Variants in NXPH1 observed in about 807,000 individuals in gnomAD.
NXPH1 encodes neurexophilin-1.
A neutral mutation model predicts 23.7 loss-of-function variants in NXPH1; 5 were observed. The observed-to-expected ratio is 0.21, with a 90% CI of 0.11 to 0.44. The LOEUF (loss-of-function observed/expected upper bound fraction) is 0.44. Ranked by LOEUF, NXPH1 falls within the 20% of genes least tolerant of loss-of-function variation. The pLI is 0.99. For missense variants in NXPH1, 324 were observed against 321.6 expected, an observed-to-expected ratio of 1.01 and a Z score of -0.06; for synonymous variants, 144 against 122.2, an observed-to-expected ratio of 1.18 and a Z score of -1.18.
At chr7:8,545,006 C>T (rs183661750) in intron 2 of NXPH1, among the ~76,000 whole-genome samples, 1 of 151,542 alleles carries the variant, frequency 6.6e-6, no homozygotes, top group African/African-American at 2.4e-5. Flanking sequence ...CTCATCTTTG[C>T]TGCAGTACTG....
chr7:8,462,329 G>T (rs1278707519), intron 2 of NXPH1, among the ~76,000 whole-genome samples: 1 of 152,156 alleles, frequency 6.6e-6, no homozygotes, highest in African/African-American at 2.4e-5. Context: ...TTACAGGCGT[G>T]AACCACTGCA....
At chr7:8,436,283 G>A (rs540589447) in intron 2 of NXPH1, among the ~76,000 whole-genome samples, 1 of 152,304 alleles carries the variant, frequency 6.6e-6, no homozygotes, top group Non-Finnish European at 1.5e-5. Flanking sequence ...GACAGGATAA[G>A]TTTAACTATC....
intron 2 of NXPH1, among the ~76,000 whole-genome samples, chr7:8,707,605 C>T (rs1562460691): frequency 6.6e-6 from 1 of 151,968 alleles, no homozygotes; most frequent in Non-Finnish European, 1.5e-5. Context: ...TATATATACT[C>T]ATCATCTCAT....
intron 2 of NXPH1, among the ~76,000 whole-genome samples, chr7:8,608,457 C>G (rs1233656758): frequency 6.6e-6 from 1 of 151,960 alleles, no homozygotes; most frequent in Non-Finnish European, 1.5e-5. Context: ...TAGCCTCCCA[C>G]TCCTGATTAG....
chr7:8,492,862 G>T (rs911694877), intron 2 of NXPH1, among the ~76,000 whole-genome samples: 3 of 152,114 alleles, frequency 2.0e-5, no homozygotes, highest in Admixed American at 6.6e-5. Context: ...CTTAAGTTTG[G>T]CTGGAAACTC....
At chr7:8,503,758 G>A (rs1817476204) in intron 2 of NXPH1, among the ~76,000 whole-genome samples, 1 of 151,860 alleles carries the variant, frequency 6.6e-6, no homozygotes, top group Admixed American at 6.6e-5. Context: ...CTATGAACAC[G>A]GCCTGCCTAG....
chr7:8,502,254 A>G (rs1157473852), intron 2 of NXPH1, among the ~76,000 whole-genome samples: 1 of 152,066 alleles, frequency 6.6e-6, no homozygotes, highest in South Asian at 2.1e-4. Context: ...TATTGTACTA[A>G]GATGTGTTTA....
intron 2 of NXPH1, among the ~76,000 whole-genome samples, chr7:8,730,654 T>C (rs1416880001): frequency 1.3e-5 from 2 of 152,222 alleles, no homozygotes; most frequent in Admixed American, 1.3e-4. Context: ...TCTTTAAGAA[T>C]GTTGAATATT....
At chr7:8,654,315 T>G (rs1322704538) in intron 2 of NXPH1, among the ~76,000 whole-genome samples, 1 of 152,178 alleles carries the variant, frequency 6.6e-6, no homozygotes, top group Admixed American at 6.5e-5. Context: ...AGGAAAGGTT[T>G]TCAGCTAGAG....
chr7:8,599,132 A>G (rs555767877), intron 2 of NXPH1, among the ~76,000 whole-genome samples: 7 of 152,288 alleles, frequency 4.6e-5, no homozygotes, highest in African/African-American at 1.7e-4. Context: ...GTGTTATAAG[A>G]GGAACAAATA....
In NXPH1 at chr7:8,568,041, C is replaced by A. The variant is rs182553212; in HGVS notation, c.54+132274C>A. ...AATTGCAGGGCGAGTCTTTTTTCAACGTCCCATGCTATTTTCGGGATAGAT... is the reference window on the plus strand; with the variant it reads ...AATTGCAGGGCGAGTCTTTTTTCAAAGTCCCATGCTATTTTCGGGATAGAT... On this transcript the variant is annotated intron_variant, in intron 2 of 2. Transcript: ENST00000405863. 7.9e-5 allele frequency among the ~76,000 whole-genome samples: 12 copies of A among 151,826 alleles called. No homozygotes were observed. In the East Asian group the frequency reaches 2.1e-3, roughly 27 times the overall value.
At chr7:8,507,087 A>G (rs773457817) in intron 2 of NXPH1, among the ~76,000 whole-genome samples, 8 of 151,556 alleles carry the variant, frequency 5.3e-5, no homozygotes, top group Non-Finnish European at 7.4e-5. Flanking sequence ...GTGAGAGACA[A>G]TGGGCTAAGG....
intron 2 of NXPH1, among the ~76,000 whole-genome samples, chr7:8,494,338 T>G (rs1368301228): frequency 1.3e-5 from 2 of 152,058 alleles, no homozygotes; most frequent in East Asian, 3.9e-4. Context: ...CACATATTTT[T>G]CAATTTTTAT....
rs188234109 is a variant in NXPH1, at chr7:8,723,584, A to T, written c.55-27424A>T. ...TAGCAGTCACTTGTATTTTCCAAGA[A>T]GAATGCCACCTTTTCTTCTTGTGCC... On this transcript the variant is annotated intron_variant, in intron 2 of 2. Coordinates refer to ENST00000405863, the MANE Select transcript of NXPH1 (RefSeq NM_152745.3). Among the ~76,000 whole-genome samples, 4 of 152,326 alleles carry T rather than the reference A, an allele frequency of 2.6e-5. 1 individual carries two copies. In the East Asian group the frequency reaches 7.7e-4, roughly 29 times the overall value.
intron 2 of NXPH1, among the ~76,000 whole-genome samples, chr7:8,439,925 G>T (rs1423959244): frequency 6.6e-6 from 1 of 152,124 alleles, no homozygotes; most frequent in African/African-American, 2.4e-5. Flanking sequence ...GCTGCACACT[G>T]AAAATTCTAA....
chr7:8,592,922 C>T (rs1819131313), intron 2 of NXPH1, among the ~76,000 whole-genome samples: 4 of 151,564 alleles, frequency 2.6e-5, no homozygotes, highest in Admixed American at 6.6e-5. Context: ...CAGCATTTGG[C>T]CCAGGGGCTG....
intron 2 of NXPH1, among the ~76,000 whole-genome samples, chr7:8,479,811 A>G (rs1451517568): frequency 6.6e-6 from 1 of 152,156 alleles, no homozygotes; most frequent in East Asian, 1.9e-4. Flanking sequence ...AAAAGAGATA[A>G]TAATTGCAGT....
intron 2 of NXPH1, among the ~76,000 whole-genome samples, chr7:8,553,561 G>C (rs1213136584): frequency 6.6e-6 from 1 of 151,464 alleles, no homozygotes; most frequent in Non-Finnish European, 1.5e-5. Flanking sequence ...CCTTAATTCA[G>C]AATGGGTCTT....
At position 8,726,424 on chromosome 7, in the gene NXPH1, C is replaced by T. The variant is rs183304220; in HGVS notation, c.55-24584C>T. ...TATGTATACATGTGCCATGCTGGTG[C>T]GCTGCACCCACTAACTCGTCATCTA... On this transcript the variant is annotated intron_variant, in intron 2 of 2. Transcript: ENST00000405863. Among the ~76,000 whole-genome samples, 693 of 150,818 alleles carry T rather than the reference C, an allele frequency of 4.6e-3. 10 individuals carry two copies. Among genetic ancestry groups the T allele is most frequent in the African/African-American group, 0.016 (666 of 41,022 alleles).
Sources: allele counts gnomAD v4.1 joint callset (sites outside exome capture counted in the v4.1 genomes callset), GRCh38; gene constraint gnomAD v4.1.1; transcripts MANE v1.5; gene names NCBI Gene and HGNC (gene_info 2026-07-23, HGNC 2026-07-21).